Variants in IGFL2 observed in about 807,000 individuals in gnomAD.
IGFL2 encodes IGF like family member 2, also known as insulin growth factor-like family member 2.
In IGFL2, 7 loss-of-function variants were observed where a neutral mutation model predicts 13.9. The ratio of observed to expected loss-of-function variants is 0.51; its 90% confidence interval spans 0.29 to 0.95. The LOEUF is 0.95. Among genes scored for constraint, IGFL2 ranks in the 40% least tolerant of loss-of-function variants. IGFL2 has a pLI of 0.08. For missense variants in IGFL2, 138 were observed against 147.8 expected, an observed-to-expected ratio of 0.93 and a Z score of 0.34; for synonymous variants, 55 against 55.8, an observed-to-expected ratio of 0.99 and a Z score of 0.07.
the IGFL2 span, among the ~76,000 whole-genome samples, chr19:46,104,118 A>G: frequency 6.6e-6 from 1 of 152,156 alleles, no homozygotes; most frequent in Admixed American, 6.5e-5. Flanking sequence ...CAGCCTGGCA[A>G]ATTTCCTGTC....
chr19:46,195,407 A>G, the IGFL2 span, among the ~76,000 whole-genome samples: 3 of 152,114 alleles, frequency 2.0e-5, no homozygotes, highest in East Asian at 5.8e-4. Context: ...AACCATGACT[A>G]TTACACCCTT....
At chr19:46,092,557 G>T in the IGFL2 span, among the ~76,000 whole-genome samples, 20 of 152,004 alleles carry the variant, frequency 1.3e-4, no homozygotes, top group Non-Finnish European at 2.8e-4. Context: ...ACTTGAACCT[G>T]AGCGGCTGAG....
the IGFL2 span, among the ~76,000 whole-genome samples, chr19:46,099,375 T>C: frequency 2.0e-5 from 3 of 152,254 alleles, no homozygotes; most frequent in Admixed American, 1.3e-4. Context: ...CCTCTCTTGC[T>C]GGGTTGGGGA....
At chr19:46,141,798 T>C (rs1345902619), upstream of IGFL2, among the ~76,000 whole-genome samples, 1 of 152,212 alleles carries the variant, frequency 6.6e-6, no homozygotes, top group Non-Finnish European at 1.5e-5. Context: ...CATGCTTACC[T>C]CTGTCACTGT....
the IGFL2 span, among the ~76,000 whole-genome samples, chr19:46,169,675 C>T: frequency 6.6e-6 from 1 of 151,956 alleles, no homozygotes; most frequent in East Asian, 1.9e-4. Flanking sequence ...AGGAGAAACC[C>T]TGTCTCTACT....
At chr19:46,151,777 C>G (rs1246293817) in intron 1 of IGFL2, among the ~76,000 whole-genome samples, 1 of 152,002 alleles carries the variant, frequency 6.6e-6, no homozygotes, top group Non-Finnish European at 1.5e-5. Context: ...GCCAGGCATG[C>G]GGTGTGCGTC....
the IGFL2 span, among the ~76,000 whole-genome samples, chr19:46,136,166 C>A: frequency 1.5e-4 from 23 of 152,248 alleles, no homozygotes; most frequent in East Asian, 4.2e-3. Context: ...TCATGGACAG[C>A]ATCCTCAAAT....
the IGFL2 span, among the ~76,000 whole-genome samples, chr19:46,172,409 A>G: frequency 2.0e-5 from 3 of 152,214 alleles, no homozygotes; most frequent in Non-Finnish European, 2.9e-5. Context: ...TGAAGACGTG[A>G]GTAACTTCAC....
At chr19:46,128,421 C>T in the IGFL2 span, among the ~76,000 whole-genome samples, 3 of 152,096 alleles carry the variant, frequency 2.0e-5, no homozygotes, top group Non-Finnish European at 2.9e-5. Flanking sequence ...TATCTTGTAC[C>T]AGTTTTCAAG....
At chr19:46,153,096 T>A (rs1973596206) in intron 1 of IGFL2, among the ~76,000 whole-genome samples, 1 of 152,240 alleles carries the variant, frequency 6.6e-6, no homozygotes, top group South Asian at 2.1e-4. Flanking sequence ...ATTTTTGAAC[T>A]TATATTCATA....
At chr19:46,123,872 G>A in the IGFL2 span, 18 of 1,602,370 alleles carry the variant, frequency 1.1e-5, no homozygotes, top group South Asian at 1.9e-4. Context: ...TAAGAGCAAG[G>A]TAGGGACCTT....
the IGFL2 span, among the ~76,000 whole-genome samples, chr19:46,194,624 C>A: frequency 2.0e-5 from 3 of 151,812 alleles, no homozygotes; most frequent in Admixed American, 6.6e-5. Flanking sequence ...GAATTCAAGA[C>A]CAGCCTGGAC....
At chr19:46,083,549 A>G in the IGFL2 span, among the ~76,000 whole-genome samples, 1 of 152,252 alleles carries the variant, frequency 6.6e-6, no homozygotes, top group Non-Finnish European at 1.5e-5. Flanking sequence ...AATACCAACC[A>G]TGGCTGTATA....
chr19:46,100,904 T>G, the IGFL2 span, among the ~76,000 whole-genome samples: 1 of 152,220 alleles, frequency 6.6e-6, no homozygotes, highest in Non-Finnish European at 1.5e-5. Flanking sequence ...GAAGTTTTTG[T>G]GGTGACTTCT....
chr19:46,161,037 A>G lies in IGFL2; in HGVS notation c.342-33A>G, dbSNP rs184809495. The G allele has an allele frequency of 1.3e-5, 21 of 1,578,340 alleles. No individual in the cohort carries two copies. The African/African-American group carries it at 2.3e-4, about 17-fold the overall frequency. Reference sequence around the variant, plus strand: ...ATTTTCAGTTATCTCCTTGTCTGTTATTCGTAATTTCTTGGTTTCTTTTTC... The same window carrying G: ...ATTTTCAGTTATCTCCTTGTCTGTTGTTCGTAATTTCTTGGTTTCTTTTTC... On this transcript the variant is annotated intron_variant, in intron 3 of 3. Coordinates refer to ENST00000377693, the MANE Select transcript of IGFL2 (RefSeq NM_001135113.2).
chr19:46,092,817 A>T, the IGFL2 span, among the ~76,000 whole-genome samples: 1 of 152,052 alleles, frequency 6.6e-6, no homozygotes, highest in Non-Finnish European at 1.5e-5. Context: ...TGAAATTGTT[A>T]TTTTATCAGA....
chr19:46,191,667 T>C, the IGFL2 span, among the ~76,000 whole-genome samples: 1 of 152,146 alleles, frequency 6.6e-6, no homozygotes, highest in East Asian at 1.9e-4. Context: ...AGCATGTTTT[T>C]GGAGAGCCGC....
chr19:46,084,477 G>A, the IGFL2 span, among the ~76,000 whole-genome samples: 2 of 152,098 alleles, frequency 1.3e-5, no homozygotes, highest in South Asian at 2.1e-4. Context: ...AATATGTTAG[G>A]CCATTCCTAC....
At chr19:46,138,670 A>G (rs918126866), upstream of IGFL2, among the ~76,000 whole-genome samples, 8 of 152,108 alleles carry the variant, frequency 5.3e-5, no homozygotes, top group Admixed American at 4.6e-4. Context: ...GACAGGGTCT[A>G]CTGGTGAAAG....
Sources: gnomAD v4.1 joint callset for allele counts (sites outside exome capture counted in the v4.1 genomes callset) on GRCh38, gnomAD v4.1.1 for gene constraint, MANE v1.5 for transcripts, NCBI Gene and HGNC (gene_info 2026-07-23, HGNC 2026-07-21) for gene names.